TMPRSS11E: variants seen among roughly 807,000 people sequenced by gnomAD.
TMPRSS11E encodes the protein transmembrane serine protease 11E.
A neutral mutation model predicts 48.1 loss-of-function variants in TMPRSS11E; 38 were observed. The observed-to-expected ratio is 0.79, with a 90% CI of 0.61 to 1.04. The LOEUF (loss-of-function observed/expected upper bound fraction) is 1.04. Among genes scored for constraint, TMPRSS11E ranks in the 50% least tolerant of loss-of-function variants. The probability of loss-of-function intolerance (pLI) is 0.00; values close to 1 mark genes in which losing one functional copy is unlikely to be tolerated. For synonymous variants in TMPRSS11E, 158 were observed against 171.9 expected, an observed-to-expected ratio of 0.92 and a Z score of 0.63; for missense variants, 530 against 510.8, an observed-to-expected ratio of 1.04 and a Z score of -0.36.
At chr4:68,494,601 T>C (rs563257822) in intron 9 of TMPRSS11E, among the ~76,000 whole-genome samples, 1 of 152,194 alleles carries the variant, frequency 6.6e-6, no homozygotes, top group East Asian at 1.9e-4. Context: ...GTTCTGTTTC[T>C]CACTAAACCA....
At chr4:68,490,465 A>T (rs1169853758) in intron 9 of TMPRSS11E, among the ~76,000 whole-genome samples, 1 of 152,130 alleles carries the variant, frequency 6.6e-6, no homozygotes, top group Non-Finnish European at 1.5e-5. Flanking sequence ...TGTATGAAGG[A>T]ATTGCCTCAT....
At chr4:68,471,970 G>C (rs1280424308) in intron 5 of TMPRSS11E, among the ~76,000 whole-genome samples, 1 of 151,830 alleles carries the variant, frequency 6.6e-6, no homozygotes, top group Non-Finnish European at 1.5e-5. Context: ...ATATGGAAAG[G>C]TTCATGCCAT....
intron 1 of TMPRSS11E, among the ~76,000 whole-genome samples, chr4:68,460,043 A>G (rs1292280976): frequency 6.6e-6 from 1 of 152,184 alleles, no homozygotes; most frequent in Admixed American, 6.5e-5. Context: ...GGAAAACTGG[A>G]GATGGGAAAG....
intron 5 of TMPRSS11E, among the ~76,000 whole-genome samples, chr4:68,472,495 A>G (rs187064547): frequency 4.1e-4 from 63 of 152,172 alleles, no homozygotes; most frequent in Non-Finnish European, 8.1e-4. Flanking sequence ...TTATACTGAT[A>G]GTACATTTCA....
chr4:68,493,032 G>A (rs1729773322), intron 9 of TMPRSS11E, among the ~76,000 whole-genome samples: 1 of 151,824 alleles, frequency 6.6e-6, no homozygotes, highest in African/African-American at 2.4e-5. Context: ...AACTATCTCG[G>A]TTTCTATAGT....
chr4:68,469,537 C>T (rs187543426), intron 4 of TMPRSS11E, among the ~76,000 whole-genome samples: 1 of 151,942 alleles, frequency 6.6e-6, no homozygotes, highest in East Asian at 1.9e-4. Flanking sequence ...AATGACAAAA[C>T]TTTAAAAGTT....
At position 68,477,475 on chromosome 4, in the gene TMPRSS11E, C is replaced by T; in HGVS notation, c.814C>T (p.Pro272Ser). The T allele has an allele frequency of 1.2e-6, 2 of 1,613,906 alleles. No individual in the cohort carries two copies. The highest frequency in any genetic ancestry group is 1.7e-6 in the Non-Finnish European group (2 of 1,179,946). ...AATTGTCCATGAAAAATACAAACAC[C>T]CATCACATGACTATGATATTTCTCT... ...RIIVHEKYKH[P>S]SHDYDISLAE... The change falls in exon 8 of 10, where the codon CCA becomes TCA. Residue 272 changes from proline to serine, a missense_variant. Coordinates refer to ENST00000305363, the MANE Select transcript of TMPRSS11E (RefSeq NM_014058.4).
intron 9 of TMPRSS11E, among the ~76,000 whole-genome samples, chr4:68,486,005 G>C (rs1394177036): frequency 6.6e-6 from 1 of 151,888 alleles, no homozygotes; most frequent in Non-Finnish European, 1.5e-5. Flanking sequence ...CATTTCTGAT[G>C]GTGCTTATTT....
intron 8 of TMPRSS11E, among the ~76,000 whole-genome samples, chr4:68,478,573 G>A (rs1160850843): frequency 1.4e-5 from 2 of 145,010 alleles, no homozygotes; most frequent in Non-Finnish European, 3.0e-5. Flanking sequence ...ACCTGCATCA[G>A]CCTCCTGAAT....
chr4:68,455,005 C>T (rs1728590451), intron 1 of TMPRSS11E, among the ~76,000 whole-genome samples: 1 of 151,872 alleles, frequency 6.6e-6, no homozygotes, highest in Non-Finnish European at 1.5e-5. Context: ...ACTAAAATTT[C>T]CCTACTGTAC....
At chr4:68,475,170 G>A (rs564653164) in intron 6 of TMPRSS11E, among the ~76,000 whole-genome samples, 23 of 152,040 alleles carry the variant, frequency 1.5e-4, no homozygotes, top group South Asian at 4.2e-4. Flanking sequence ...TTAATCCTAC[G>A]GATTAATACG....
Position 68,479,719 on chromosome 4 carries a change from G to A in TMPRSS11E, c.1110+728G>A, listed in dbSNP as rs570889586. Among the ~76,000 whole-genome samples, 44 of 151,736 alleles carry A rather than the reference G, an allele frequency of 2.9e-4. No individual in the cohort carries two copies. In the South Asian group the frequency reaches 8.3e-3, roughly 29 times the overall value. ...CAGAAGACAATGTTTTGCTTCAACTGTCAAATGTAATTTAGAAAACATAAG... is the reference window on the plus strand; with the variant it reads ...CAGAAGACAATGTTTTGCTTCAACTATCAAATGTAATTTAGAAAACATAAG... On this transcript the variant is annotated intron_variant, in intron 9 of 9. Transcript: ENST00000305363.
intron 8 of TMPRSS11E, among the ~76,000 whole-genome samples, chr4:68,478,149 C>T (rs201151876): frequency 0.33 from 43,896 of 134,122 alleles, 8,099 homozygotes; most frequent in East Asian, 0.78. Flanking sequence ...GTATCACTAT[C>T]TTTTTTTTTT....
chr4:68,478,333 AG>A (rs1239903947), intron 8 of TMPRSS11E, among the ~76,000 whole-genome samples: 3 of 150,766 alleles, frequency 2.0e-5, no homozygotes, highest in African/African-American at 4.9e-5. Context: ...TAGTAGAGAC[AG>A]GGTTTCACCA....
intron 2 of TMPRSS11E, among the ~76,000 whole-genome samples, chr4:68,465,136 T>A (rs1468311682): frequency 1.3e-5 from 2 of 152,296 alleles, no homozygotes; most frequent in African/African-American, 4.8e-5. Context: ...CTGCCTGAAT[T>A]TCATGTCACC....
chr4:68,493,522 A>G lies in TMPRSS11E; in HGVS notation c.1111-3121A>G, dbSNP rs185798546. 5.9e-5 allele frequency among the ~76,000 whole-genome samples: 9 copies of G among 152,184 alleles called. No individual in the cohort carries two copies. The East Asian group carries it at 1.7e-3, about 29-fold the overall frequency. ...ATGCTTGTTACCCAGGCTGGAGTGCAGTGGTGTGATCTCGGCTCACTGCAA... is the reference window on the plus strand; with the variant it reads ...ATGCTTGTTACCCAGGCTGGAGTGCGGTGGTGTGATCTCGGCTCACTGCAA... On this transcript the variant is annotated intron_variant, in intron 9 of 9. Coordinates refer to ENST00000305363, the MANE Select transcript of TMPRSS11E (RefSeq NM_014058.4).
intron 4 of TMPRSS11E, among the ~76,000 whole-genome samples, chr4:68,470,502 A>G (rs1729036480): frequency 6.6e-6 from 1 of 151,870 alleles, no homozygotes; most frequent in East Asian, 1.9e-4. Flanking sequence ...TACAATTAAC[A>G]TGTTTATAGG....
At chr4:68,465,675 A>G (rs1021652929) in intron 2 of TMPRSS11E, among the ~76,000 whole-genome samples, 2 of 152,134 alleles carry the variant, frequency 1.3e-5, no homozygotes, top group Admixed American at 1.3e-4. Context: ...GTTTAAGTGA[A>G]GAGGGAAAGA....
intron 2 of TMPRSS11E, among the ~76,000 whole-genome samples, chr4:68,462,346 G>A (rs1728813199): frequency 6.6e-6 from 1 of 151,776 alleles, no homozygotes; most frequent in South Asian, 2.1e-4. Flanking sequence ...GGAGGCTGAG[G>A]CGGGTGGATC....
Sources: gnomAD v4.1 joint callset for allele counts (sites outside exome capture counted in the v4.1 genomes callset) on GRCh38, gnomAD v4.1.1 for gene constraint, MANE v1.5 for transcripts, NCBI Gene and HGNC (gene_info 2026-07-23, HGNC 2026-07-21) for gene names.